Variants in VAV3 observed in about 807,000 individuals in gnomAD.
VAV3 encodes the protein vav guanine nucleotide exchange factor 3, also known as guanine nucleotide exchange factor VAV3.
In VAV3, 94 loss-of-function variants were observed where a neutral mutation model predicts 131.2. The ratio of observed to expected loss-of-function variants is 0.72; its 90% CI spans 0.61 to 0.85. VAV3 has a LOEUF of 0.85. Among genes scored for constraint, VAV3 ranks in the 40% least tolerant of loss-of-function variants. VAV3 has a pLI of 0.00. For missense variants in VAV3, 939 were observed against 1,002.7 expected (o/e 0.94, Z 0.86); for synonymous variants, 349 against 342.0 (o/e 1.02, Z -0.22).
chr1:107,669,101 C>T (rs1042650818), intron 19 of VAV3: 49 of 1,089,738 alleles, frequency 4.5e-5, no homozygotes, highest in African/African-American at 3.4e-4. Flanking sequence ...TGAGTTATGC[C>T]GGTGTTCTTT....
intron 1 of VAV3, 59 bp downstream of exon 1, chr1:107,964,607 G>A: frequency 6.4e-7 from 1 of 1,557,776 alleles, no homozygotes; most frequent in Admixed American, 1.9e-5. Context: ...AAAGAAATTA[G>A]CCGCATGATT....
intron 1 of VAV3, among the ~76,000 whole-genome samples, chr1:107,896,386 TAATC>T (rs1671578680): frequency 2.2e-5 from 2 of 91,818 alleles, no homozygotes; most frequent in South Asian, 3.6e-4. Flanking sequence ...TTCATCAAAT[TAATC>T]GCACAGCAGC....
intron 2 of VAV3, among the ~76,000 whole-genome samples, chr1:107,781,655 C>G (rs1665698478): frequency 6.6e-6 from 1 of 152,076 alleles, no homozygotes; most frequent in Non-Finnish European, 1.5e-5. Context: ...AATTTACTGA[C>G]CCCAAAATTG....
chr1:107,697,327 C>A (rs1365006405), intron 17 of VAV3, among the ~76,000 whole-genome samples: 2 of 152,110 alleles, frequency 1.3e-5, no homozygotes, highest in Non-Finnish European at 2.9e-5. Flanking sequence ...TATGAGCATT[C>A]GGTGTTACCG....
intron 24 of VAV3, among the ~76,000 whole-genome samples, chr1:107,597,955 T>G (rs1161846827): frequency 6.6e-6 from 1 of 152,110 alleles, no homozygotes; most frequent in Non-Finnish European, 1.5e-5. Context: ...CAAATATCAG[T>G]GAGGTGAGTG....
At chr1:107,898,961 AC>A (rs1671735440) in intron 1 of VAV3, among the ~76,000 whole-genome samples, 1 of 152,212 alleles carries the variant, frequency 6.6e-6, no homozygotes, top group South Asian at 2.1e-4. Context: ...CCCTCTGAGT[AC>A]TAAGGATGTA....
At chr1:107,878,475 G>A (rs932825543) in intron 1 of VAV3, among the ~76,000 whole-genome samples, 1 of 151,988 alleles carries the variant, frequency 6.6e-6, no homozygotes, top group African/African-American at 2.4e-5. Context: ...TTGACTTTTT[G>A]AAGAGTCCAG....
chr1:107,751,801 A>G lies in VAV3; in HGVS notation c.1174-599T>C, dbSNP rs111333369. Among the ~76,000 whole-genome samples, 809 of 152,324 alleles carry G rather than the reference A, an allele frequency of 5.3e-3. 6 individuals are homozygous for G. The highest frequency in any genetic ancestry group is 0.018 in the African/African-American group (758 of 41,574). ...CTATTTTCCCAGAGGCTGATAACTA[A>G]ATTATTTTTAAGTGTTTATGAACAC... On this transcript the variant is annotated intron_variant, in intron 12 of 26. Transcript: ENST00000370056.
chr1:107,910,799 G>T (rs1672328496), intron 1 of VAV3, among the ~76,000 whole-genome samples: 1 of 152,036 alleles, frequency 6.6e-6, no homozygotes, highest in Non-Finnish European at 1.5e-5. Flanking sequence ...GGGCAACATA[G>T]CAAAACCCCA....
intron 2 of VAV3, among the ~76,000 whole-genome samples, chr1:107,788,405 C>T (rs557215997): frequency 3.4e-4 from 51 of 152,216 alleles, no homozygotes; most frequent in Non-Finnish European, 3.2e-4. Context: ...ACTGCTTTGC[C>T]TGCTGTGCTC....
At chr1:107,811,042 G>A (rs933337908) in intron 2 of VAV3, among the ~76,000 whole-genome samples, 10 of 152,190 alleles carry the variant, frequency 6.6e-5, no homozygotes, top group Non-Finnish European at 1.5e-4. Flanking sequence ...ACTTTCAGAA[G>A]TCCTTTCTCT....
intron 15 of VAV3, among the ~76,000 whole-genome samples, chr1:107,714,175 A>G (rs1263296569): frequency 6.6e-6 from 1 of 152,162 alleles, no homozygotes; most frequent in East Asian, 1.9e-4. Flanking sequence ...GACCAATACT[A>G]TGATGGACAG....
intron 18 of VAV3, chr1:107,686,034 T>TGGGGG (rs554715740): frequency 2.7e-4 from 23 of 85,062 alleles, no homozygotes; most frequent in East Asian, 4.0e-4. Context: ...GTTGGGGGGG[T>TGGGGG]GGGGGGGGAG....
chr1:107,665,329 A>G (rs1170944430), intron 19 of VAV3, among the ~76,000 whole-genome samples: 1 of 152,174 alleles, frequency 6.6e-6, no homozygotes, highest in Non-Finnish European at 1.5e-5. Context: ...TTTAAAAACA[A>G]TAATAAAACT....
intron 2 of VAV3, among the ~76,000 whole-genome samples, chr1:107,814,699 C>T (rs1442584440): frequency 2.0e-5 from 3 of 152,096 alleles, no homozygotes; most frequent in Admixed American, 6.5e-5. Context: ...AAAATTTTTG[C>T]AAGATTAGTG....
At position 107,770,626 on chromosome 1, in the gene VAV3, G is replaced by A. The variant is rs746596255; in HGVS notation, c.648+10C>T. The A allele has an allele frequency of 9.0e-6, 14 of 1,564,136 alleles. No homozygotes were observed. In the South Asian group the frequency reaches 1.1e-4, roughly 12 times the overall value. ...TATTTGGGCATCAAAAATAATACCT[G>A]ATGACTTACCTTTTCTATTGACTCC... On this transcript the variant is annotated intron_variant, in intron 6 of 26. Transcript: ENST00000370056.
At chr1:107,866,057 G>A (rs1669971074) in intron 2 of VAV3, among the ~76,000 whole-genome samples, 1 of 152,168 alleles carries the variant, frequency 6.6e-6, no homozygotes, top group Non-Finnish European at 1.5e-5. Context: ...TACTGGGCTT[G>A]CAGGCAACCC....
At chr1:107,762,133 A>G (rs557135709) in intron 9 of VAV3, among the ~76,000 whole-genome samples, 11 of 147,010 alleles carry the variant, frequency 7.5e-5, no homozygotes, top group South Asian at 2.1e-4. Context: ...AAAAAAAAAA[A>G]GGGCCATACA....
chr1:107,647,641 T>C (rs554555080), intron 19 of VAV3, among the ~76,000 whole-genome samples: 1 of 151,996 alleles, frequency 6.6e-6, no homozygotes, highest in African/African-American at 2.4e-5. Flanking sequence ...CCCTAAAACA[T>C]GTACATTATT....
Sources: gnomAD v4.1 joint callset for allele counts (sites outside exome capture counted in the v4.1 genomes callset) on GRCh38, gnomAD v4.1.1 for gene constraint, MANE v1.5 for transcripts, NCBI Gene and HGNC (gene_info 2026-07-23, HGNC 2026-07-21) for gene names.